CNTNAP2: variants seen among roughly 807,000 people sequenced by gnomAD.
The protein encoded by CNTNAP2 is contactin-associated protein-like 2.
In CNTNAP2, 98 loss-of-function variants were observed where a neutral mutation model predicts 155.2. The ratio of observed to expected loss-of-function variants is 0.63; its 90% CI spans 0.54 to 0.75. CNTNAP2 has a LOEUF of 0.75. Among genes scored for constraint, CNTNAP2 ranks in the 30% least tolerant of loss-of-function variants. CNTNAP2 has a pLI of 0.00. For synonymous variants in CNTNAP2, 651 were observed against 631.2 expected (o/e 1.03, Z -0.47); for missense variants, 1,727 against 1,688.1 (o/e 1.02, Z -0.40).
intron 1 of CNTNAP2, among the ~76,000 whole-genome samples, chr7:146,635,932 G>A (rs189621118): frequency 2.1e-3 from 318 of 152,218 alleles, no homozygotes; most frequent in Non-Finnish European, 3.4e-3. Flanking sequence ...AAAAAGGAGG[G>A]ACTGTTCCAG....
chr7:146,561,605 G>A (rs1798280991), intron 1 of CNTNAP2, among the ~76,000 whole-genome samples: 1 of 152,106 alleles, frequency 6.6e-6, no homozygotes. Context: ...GCTGAAGTGA[G>A]CAGTGATTGA....
chr7:148,409,510 A>C, intron 23 of CNTNAP2, 39 bp downstream of exon 23: 4 of 1,544,014 alleles, frequency 2.6e-6, no homozygotes, highest in Non-Finnish European at 3.6e-6. Context: ...GGGGCTACTC[A>C]ACTATGGAAA....
intron 15 of CNTNAP2, among the ~76,000 whole-genome samples, chr7:148,058,854 A>G (rs1803073728): frequency 6.6e-6 from 1 of 152,218 alleles, no homozygotes; most frequent in South Asian, 2.1e-4. Flanking sequence ...GGTGTTAGAA[A>G]GACAAAATAG....
At chr7:146,705,410 G>A (rs957669778) in intron 1 of CNTNAP2, among the ~76,000 whole-genome samples, 2 of 152,034 alleles carry the variant, frequency 1.3e-5, no homozygotes, top group African/African-American at 4.8e-5. Context: ...ATGGTGGGGA[G>A]GGCAAGACAG....
At chr7:147,079,601 A>G (rs1379065753) in intron 4 of CNTNAP2, among the ~76,000 whole-genome samples, 1 of 149,130 alleles carries the variant, frequency 6.7e-6, no homozygotes, top group Admixed American at 6.7e-5. Flanking sequence ...TAATAATAAT[A>G]ATAATGATAA....
intron 1 of CNTNAP2, among the ~76,000 whole-genome samples, chr7:146,121,600 A>G (rs891208170): frequency 7.2e-5 from 11 of 152,038 alleles, no homozygotes; most frequent in Non-Finnish European, 1.2e-4. Context: ...TTACTTTATC[A>G]TTTTTTACTA....
At chr7:146,448,380 AAAG>A (rs2129121666) in intron 1 of CNTNAP2, among the ~76,000 whole-genome samples, 1 of 150,368 alleles carries the variant, frequency 6.7e-6, no homozygotes, top group African/African-American at 2.5e-5. Flanking sequence ...GAAGGGGGAT[AAAG>A]AATATAGGAT....
At chr7:147,946,029 G>A (rs966909713) in intron 14 of CNTNAP2, among the ~76,000 whole-genome samples, 11 of 151,570 alleles carry the variant, frequency 7.3e-5, no homozygotes, top group Non-Finnish European at 1.3e-4. Flanking sequence ...CACCATGCTC[G>A]GCTGATTTTT....
At chr7:148,339,603 G>C (rs1183849967) in intron 21 of CNTNAP2, 1 of 152,348 alleles carries the variant, frequency 6.6e-6, no homozygotes, top group East Asian at 1.9e-4. Context: ...CAAAGCGAGG[G>C]GCACACCTGA....
intron 15 of CNTNAP2, among the ~76,000 whole-genome samples, chr7:148,001,338 A>C (rs554065062): frequency 2.2e-3 from 340 of 152,338 alleles, no homozygotes; most frequent in African/African-American, 8.1e-3. Context: ...TTTGCGGATA[A>C]CATGGCTCTA....
intron 2 of CNTNAP2, among the ~76,000 whole-genome samples, chr7:146,824,744 A>G (rs573091865): frequency 1.1e-4 from 17 of 152,144 alleles, no homozygotes; most frequent in Non-Finnish European, 2.2e-4. Flanking sequence ...CAGACAGGAA[A>G]TGCAATTCTA....
intron 12 of CNTNAP2, among the ~76,000 whole-genome samples, chr7:147,592,476 T>TG (rs1386610508): frequency 1.1e-5 from 1 of 91,130 alleles, no homozygotes; most frequent in East Asian, 3.8e-4. Context: ...TGGTTGTTTC[T>TG]GGTTTTTTTT....
chr7:147,318,906 T>C (rs1003983044), intron 9 of CNTNAP2, among the ~76,000 whole-genome samples: 4 of 152,132 alleles, frequency 2.6e-5, no homozygotes, highest in Non-Finnish European at 5.9e-5. Context: ...ATGTCTTTAA[T>C]TTTTTCTAAT....
At chr7:146,977,502 G>T (rs948103517) in intron 3 of CNTNAP2, among the ~76,000 whole-genome samples, 1 of 152,126 alleles carries the variant, frequency 6.6e-6, no homozygotes, top group African/African-American at 2.4e-5. Context: ...TGGCCTATTA[G>T]CCCTTTTTGC....
At chr7:146,872,194 T>G (rs1795324552) in intron 3 of CNTNAP2, among the ~76,000 whole-genome samples, 1 of 145,492 alleles carries the variant, frequency 6.9e-6, no homozygotes, top group Admixed American at 7.2e-5. Context: ...TTTGGTAAAT[T>G]GAATTCTTCA....
At chr7:146,935,885 G>A (rs780969448) in intron 3 of CNTNAP2, among the ~76,000 whole-genome samples, 1 of 152,026 alleles carries the variant, frequency 6.6e-6, no homozygotes, top group Non-Finnish European at 1.5e-5. Context: ...CCCTAGTAGG[G>A]ACCATACTTT....
chr7:146,678,993 A>G (rs1227827231), intron 1 of CNTNAP2, among the ~76,000 whole-genome samples: 1 of 152,124 alleles, frequency 6.6e-6, no homozygotes, highest in Admixed American at 6.6e-5. Context: ...TTTCTTTTTC[A>G]GGAATATTAG....
intron 13 of CNTNAP2, among the ~76,000 whole-genome samples, chr7:147,833,304 T>C (rs1373088688): frequency 2.6e-5 from 4 of 152,104 alleles, no homozygotes; most frequent in Non-Finnish European, 5.9e-5. Context: ...CTTGGTTCCA[T>C]AATTAAGGAG....
At chr7:148,078,483 A>G (rs1803538170) in intron 15 of CNTNAP2, among the ~76,000 whole-genome samples, 2 of 151,710 alleles carry the variant, frequency 1.3e-5, no homozygotes, top group Admixed American at 1.3e-4. Flanking sequence ...CTATGATTTG[A>G]GAATATATAT....
Sources: allele counts gnomAD v4.1 joint callset (sites outside exome capture counted in the v4.1 genomes callset), GRCh38; gene constraint gnomAD v4.1.1; transcripts MANE v1.5; gene names NCBI Gene and HGNC (gene_info 2026-07-23, HGNC 2026-07-21).